Variants in TMCO1 observed in about 807,000 individuals in gnomAD.
TMCO1 encodes the protein transmembrane and coiled-coil domains 1.
TMCO1 carries 29 observed loss-of-function variants against 29.3 expected under a neutral mutation model. The observed-to-expected ratio is 0.99, with a 90% CI of 0.74 to 1.35. The LOEUF is 1.35. Ranked by LOEUF, TMCO1 falls within the 40% of genes most tolerant of loss-of-function variation. The probability of loss-of-function intolerance (pLI) is 0.00; values close to 1 mark genes in which losing one functional copy is unlikely to be tolerated. For missense variants in TMCO1, 173 were observed against 225.5 expected, an observed-to-expected ratio of 0.77 and a Z score of 1.49; for synonymous variants, 80 against 77.1, an observed-to-expected ratio of 1.04 and a Z score of -0.20.
chr1:165,747,130 G>A (rs1651826689), intron 5 of TMCO1, among the ~76,000 whole-genome samples: 1 of 151,938 alleles, frequency 6.6e-6, no homozygotes, highest in Admixed American at 6.6e-5. Flanking sequence ...GCGTAGTGAT[G>A]CCTGCCTGTA....
intron 6 of TMCO1, among the ~76,000 whole-genome samples, chr1:165,734,202 G>C (rs990803074): frequency 1.3e-5 from 2 of 152,052 alleles, no homozygotes; most frequent in African/African-American, 4.8e-5. Context: ...TATTACCAGG[G>C]CTCTCACATT....
chr1:165,742,259 G>GCC (rs1651623789), intron 6 of TMCO1, among the ~76,000 whole-genome samples: 1 of 148,816 alleles, frequency 6.7e-6, no homozygotes, highest in African/African-American at 2.5e-5. Context: ...TTAATTATCG[G>GCC]CTCCCCCCCT....
intron 6 of TMCO1, 137 bp from the exon 7 acceptor site, chr1:165,728,258 CA>C: frequency 3.4e-6 from 2 of 595,896 alleles, no homozygotes; most frequent in Non-Finnish European, 6.0e-6. Flanking sequence ...GGATGATTAT[CA>C]CTTTTTTTTT....
chr1:165,733,450 A>G (rs1176921523), intron 6 of TMCO1, among the ~76,000 whole-genome samples: 1 of 152,084 alleles, frequency 6.6e-6, no homozygotes, highest in Non-Finnish European at 1.5e-5. Flanking sequence ...CCTGGCCAAC[A>G]TGGTGAAACC....
At chr1:165,757,500 C>T (rs946931687) in intron 3 of TMCO1, among the ~76,000 whole-genome samples, 2 of 152,056 alleles carry the variant, frequency 1.3e-5, no homozygotes, top group Non-Finnish European at 2.9e-5. Context: ...TTCATAAATA[C>T]TACTTCCTTT....
chr1:165,750,182 G>A (rs922673951), intron 5 of TMCO1, among the ~76,000 whole-genome samples: 6 of 152,056 alleles, frequency 3.9e-5, no homozygotes, highest in African/African-American at 1.4e-4. Context: ...GGAATAATAA[G>A]TATACATTGG....
intron 6 of TMCO1, 32 bp from the exon 7 acceptor site, chr1:165,728,153 T>G (rs754672708): frequency 6.5e-7 from 1 of 1,534,318 alleles, no homozygotes. Context: ...GATTGGGTTT[T>G]AATATCAAAT....
At chr1:165,737,462 T>C (rs1382145292) in intron 6 of TMCO1, among the ~76,000 whole-genome samples, 1 of 152,030 alleles carries the variant, frequency 6.6e-6, no homozygotes, top group South Asian at 2.1e-4. Context: ...CAGAAAACAG[T>C]TAAAGAAATA....
chr1:165,745,051 C>T (rs1006551777), intron 5 of TMCO1, among the ~76,000 whole-genome samples: 5 of 151,876 alleles, frequency 3.3e-5, no homozygotes, highest in African/African-American at 4.8e-5. Flanking sequence ...CACAGGGTCT[C>T]GCTCTGTCAT....
At chr1:165,739,101 G>A (rs995105684) in intron 6 of TMCO1, among the ~76,000 whole-genome samples, 6 of 152,006 alleles carry the variant, frequency 3.9e-5, no homozygotes, top group Admixed American at 3.9e-4. Flanking sequence ...AATTTTTTGT[G>A]TTTTTTGCTG....
chr1:165,747,887 G>T (rs935779636), intron 5 of TMCO1, among the ~76,000 whole-genome samples: 1 of 152,134 alleles, frequency 6.6e-6, no homozygotes, highest in Non-Finnish European at 1.5e-5. Context: ...GGCAGGGCGT[G>T]GTGGCTCACA....
chr1:165,729,793 C>A (rs1204851118), intron 6 of TMCO1, among the ~76,000 whole-genome samples: 1 of 152,120 alleles, frequency 6.6e-6, no homozygotes, highest in Non-Finnish European at 1.5e-5. Flanking sequence ...TGTGTTTCGA[C>A]CCTTAATCTA....
chr1:165,767,300 G>C (rs1652610562), intron 2 of TMCO1, among the ~76,000 whole-genome samples: 1 of 152,184 alleles, frequency 6.6e-6, no homozygotes, highest in Non-Finnish European at 1.5e-5. Context: ...AAAAAGAAGA[G>C]AGAAAACTAA....
chr1:165,759,561 T>C lies in TMCO1; in HGVS notation c.172A>G (p.Thr58Ala), dbSNP rs1482168240. The C allele has an allele frequency of 6.2e-7, 1 of 1,613,042 alleles. No homozygotes were observed. Among genetic ancestry groups the C allele is most frequent in the Non-Finnish European group, 8.5e-7 (1 of 1,179,398 alleles). ...KKLEKKKETI[T>A]ESAGRQQKKK... ...TTCTGTTGTCGACCAGCTGACTCTG[T>C]TATTGTTTCCTTCTTCTTTTCCACT... Residue 58 changes from threonine to alanine, a missense_variant, in exon 3 of 7, where the codon ACA becomes GCA. Transcript: ENST00000367881.
At chr1:165,725,683 G>A (rs1054611802), downstream of TMCO1, 1 of 453,944 alleles carries the variant, frequency 2.2e-6, no homozygotes, top group African/African-American at 2.0e-5. Flanking sequence ...GACCTAGAGT[G>A]TCATCCAAAT....
At chr1:165,748,358 A>C (rs1651879305) in intron 5 of TMCO1, among the ~76,000 whole-genome samples, 1 of 152,130 alleles carries the variant, frequency 6.6e-6, no homozygotes, top group Admixed American at 6.6e-5. Flanking sequence ...CCAAGCAAAA[A>C]GTAATAGCAA....
chr1:165,767,493 T>C (rs984260471), intron 2 of TMCO1, among the ~76,000 whole-genome samples: 1 of 152,234 alleles, frequency 6.6e-6, no homozygotes, highest in African/African-American at 2.4e-5. Flanking sequence ...ACACCAGTCA[T>C]AATGACATAT....
chr1:165,753,615 C>G (rs2101808174), intron 4 of TMCO1, among the ~76,000 whole-genome samples: 1 of 151,722 alleles, frequency 6.6e-6, no homozygotes, highest in African/African-American at 2.4e-5. Context: ...AATTCAAGAT[C>G]AGTGTAGCCA....
At chr1:165,726,683 CAT>C, downstream of TMCO1, 1 of 454,130 alleles carries the variant, frequency 2.2e-6, no homozygotes, top group Non-Finnish European at 4.4e-6. Context: ...TATATTCATC[CAT>C]ATATTTTATT....
Sources: gnomAD v4.1 joint callset for allele counts (sites outside exome capture counted in the v4.1 genomes callset) on GRCh38, gnomAD v4.1.1 for gene constraint, MANE v1.5 for transcripts, NCBI Gene and HGNC (gene_info 2026-07-23, HGNC 2026-07-21) for gene names.